NUMB: variants seen among roughly 807,000 people sequenced by gnomAD.
The protein encoded by NUMB is NUMB endocytic adaptor protein.
Under a neutral mutation model 59.7 loss-of-function variants are expected in NUMB, and 29 were observed. That is an observed-to-expected ratio of 0.49 (90% confidence interval 0.36 to 0.66). The LOEUF is 0.66. Ranked by LOEUF, NUMB falls within the 30% of genes least tolerant of loss-of-function variation. NUMB has a pLI of 0.00. For synonymous variants in NUMB, 288 were observed against 288.2 expected (o/e 1.00, Z 0.01); for missense variants, 723 against 822.0 (o/e 0.88, Z 1.47).
At chr14:73,383,774 G>A (rs1342703696) in intron 2 of NUMB, among the ~76,000 whole-genome samples, 2 of 151,882 alleles carry the variant, frequency 1.3e-5, no homozygotes, top group Non-Finnish European at 2.9e-5. Context: ...CCAGCACTTT[G>A]GGAGGCTGAG....
chr14:73,326,392 C>T (rs1163193393), intron 4 of NUMB, among the ~76,000 whole-genome samples: 11 of 152,018 alleles, frequency 7.2e-5, no homozygotes, highest in East Asian at 3.9e-4. Context: ...TTTGGGAGGC[C>T]GAGGTGGGTG....
At chr14:73,312,652 T>C (rs1413114350) in intron 6 of NUMB, among the ~76,000 whole-genome samples, 2 of 148,834 alleles carry the variant, frequency 1.3e-5, no homozygotes, top group East Asian at 4.0e-4. Flanking sequence ...AGTTTGAGGC[T>C]GCAGTGAGCC....
chr14:73,285,419 C>T (rs1422923610), intron 9 of NUMB: 1 of 151,936 alleles, frequency 6.6e-6, no homozygotes, highest in Non-Finnish European at 1.5e-5. Flanking sequence ...ACCACTAAAG[C>T]ATATTAGATA....
At chr14:73,404,218 G>A (rs532860225) in intron 2 of NUMB, among the ~76,000 whole-genome samples, 4 of 151,328 alleles carry the variant, frequency 2.6e-5, no homozygotes, top group African/African-American at 9.7e-5. Context: ...CTCCAGTCTT[G>A]GTGACAAAGC....
At chr14:73,324,520 T>C (rs929727550) in intron 4 of NUMB, among the ~76,000 whole-genome samples, 4 of 152,116 alleles carry the variant, frequency 2.6e-5, no homozygotes, top group African/African-American at 9.7e-5. Flanking sequence ...CATCAACAAA[T>C]AGTCTTGTTT....
At chr14:73,286,862 T>A (rs1165602521) in intron 9 of NUMB, 1 of 501,660 alleles carries the variant, frequency 2.0e-6, no homozygotes, top group African/African-American at 1.9e-5. Context: ...GTAAGAGATG[T>A]CTCTGCAGCT....
At chr14:73,355,282 G>A (rs1463526313) in intron 4 of NUMB, among the ~76,000 whole-genome samples, 1 of 152,100 alleles carries the variant, frequency 6.6e-6, no homozygotes, top group Non-Finnish European at 1.5e-5. Flanking sequence ...CACTCCCTCA[G>A]CTTCACCAGT....
intron 6 of NUMB, among the ~76,000 whole-genome samples, chr14:73,308,161 C>T (rs554408690): frequency 6.6e-6 from 1 of 152,270 alleles, no homozygotes; most frequent in East Asian, 1.9e-4. Flanking sequence ...AGAGGAGATG[C>T]TGGCTTGGAC....
At chr14:73,364,232 G>A (rs1410922207) in intron 3 of NUMB, among the ~76,000 whole-genome samples, 2 of 152,298 alleles carry the variant, frequency 1.3e-5, no homozygotes, top group East Asian at 3.9e-4. Context: ...CAGGCATGGT[G>A]GCTCAAGCCT....
chr14:73,440,218 T>TATATATATGGATATCC (rs1882934149), intron 1 of NUMB, among the ~76,000 whole-genome samples: 1 of 132,874 alleles, frequency 7.5e-6, no homozygotes, highest in East Asian at 2.0e-4. Context: ...TGGATATCCA[T>TATATATATGGATATCC]ATATATATAT....
At chr14:73,288,855 G>A (rs768349911) in intron 8 of NUMB, among the ~76,000 whole-genome samples, 23 of 151,654 alleles carry the variant, frequency 1.5e-4, no homozygotes, top group Non-Finnish European at 2.7e-4. Context: ...GCAAAACTCC[G>A]TCTCAAAAAA....
rs148278687 is a variant in NUMB, at chr14:73,279,391, G to T, written c.1130C>A (p.Ala377Asp). ...NGTDSAFHVL[A>D]KPAHTALAPV... The stretch of plus-strand genomic sequence containing the variant: ...TGCTAGAGCAGTATGGGCTGGCTTA[G>T]CAAGCACATGGAAGGCTGAGTCAGT... The change falls in exon 12 of 13, where the codon GCT becomes GAT. Residue 377 changes from alanine to aspartate, a missense_variant. This residue lies in a region of NUMB where 406 missense variants were observed against 385.4 expected (regional missense o/e 1.05). Transcript: ENST00000555238. 127 of 1,601,832 alleles carry T rather than the reference G, an allele frequency of 7.9e-5. No homozygotes were observed. The highest frequency in any genetic ancestry group is 1.1e-4 in the Non-Finnish European group (125 of 1,174,366).
At chr14:73,442,356 G>C (rs1293517651) in intron 1 of NUMB, among the ~76,000 whole-genome samples, 1 of 151,882 alleles carries the variant, frequency 6.6e-6, no homozygotes, top group South Asian at 2.1e-4. Flanking sequence ...CTGGGCTACA[G>C]AGCAAGATCC....
chr14:73,416,535 A>C (rs952705917), intron 1 of NUMB, among the ~76,000 whole-genome samples: 1 of 152,090 alleles, frequency 6.6e-6, no homozygotes, highest in East Asian at 1.9e-4. Context: ...TCCAAAATAA[A>C]TAAGTGTGCA....
intron 6 of NUMB, among the ~76,000 whole-genome samples, chr14:73,312,058 T>A (rs1468741399): frequency 6.6e-6 from 1 of 152,092 alleles, no homozygotes; most frequent in Non-Finnish European, 1.5e-5. Context: ...TATATATTAG[T>A]ATAAAATCAC....
chr14:73,321,689 C>G (rs933327218), intron 5 of NUMB, among the ~76,000 whole-genome samples: 5 of 152,034 alleles, frequency 3.3e-5, no homozygotes, highest in Non-Finnish European at 7.4e-5. Context: ...TTTCATGTAC[C>G]ATAACACAAG....
rs901924132 is a variant in NUMB at position 73,300,692 on chromosome 14, G to A, written c.235-3407C>T. ...TTAAACGAATTAATGTATACGAAAG[G>A]TTTAGAACAAGGACGGTCATATAAT... On this transcript the variant is annotated intron_variant, in intron 6 of 12. Transcript: ENST00000555238. Among the ~76,000 whole-genome samples, 4 of 152,224 alleles carry A rather than the reference G, an allele frequency of 2.6e-5. No homozygotes were observed. In the South Asian group the frequency reaches 8.3e-4, roughly 32 times the overall value.
intron 2 of NUMB, among the ~76,000 whole-genome samples, chr14:73,396,110 G>T (rs1371865423): frequency 6.6e-6 from 1 of 151,964 alleles, no homozygotes; most frequent in African/African-American, 2.4e-5. Flanking sequence ...TAGAGATAGG[G>T]ACTTATTCTG....
At chr14:73,296,153 C>G (rs1889754947) in intron 7 of NUMB, among the ~76,000 whole-genome samples, 1 of 152,014 alleles carries the variant, frequency 6.6e-6, no homozygotes, top group African/African-American at 2.4e-5. Context: ...TATATAAGAA[C>G]AAAAATAGGC....
Sources: allele counts gnomAD v4.1 joint callset (sites outside exome capture counted in the v4.1 genomes callset), GRCh38; gene constraint gnomAD v4.1.1; regional missense constraint gnomAD v4.1.1; transcripts MANE v1.5; gene names NCBI Gene and HGNC (gene_info 2026-07-23, HGNC 2026-07-21).